FBF1: variants seen among roughly 807,000 people sequenced by gnomAD.
The protein encoded by FBF1 is Fas binding factor 1.
A neutral mutation model predicts 147.2 loss-of-function variants in FBF1; 119 were observed. The ratio of observed to expected loss-of-function variants is 0.81; its 90% confidence interval spans 0.70 to 0.94. FBF1 has a LOEUF of 0.94. Among genes scored for constraint, FBF1 ranks in the 40% least tolerant of loss-of-function variants. The probability of loss-of-function intolerance (pLI) is 0.00; values close to 1 mark genes in which losing one functional copy is unlikely to be tolerated. For synonymous variants in FBF1, 601 were observed against 609.0 expected, an observed-to-expected ratio of 0.99 and a Z score of 0.19; for missense variants, 1,449 against 1,500.8, an observed-to-expected ratio of 0.97 and a Z score of 0.57.
At position 75,933,064 on chromosome 17, in the gene FBF1, T is replaced by C; in HGVS notation, c.98A>G (p.Lys33Arg). The change falls in exon 5 of 30, where the codon AAA (lysine) becomes AGA (arginine). Residue 33 changes from lysine to arginine, a missense_variant. Transcript: ENST00000636174. ...GGTGTCTCTGGTATGTGAAGCTAGT[T>C]TAACAGGCTTCTCAGGTAGTGTCAC... is the stretch of plus-strand genomic sequence containing the variant. ...DDMTLPEKPV[K>R]LASHTRDTTG... 1 of 1,606,412 alleles carries C rather than the reference T, an allele frequency of 6.2e-7. No individual in the cohort carries two copies. The highest frequency in any genetic ancestry group is 8.5e-7 in the Non-Finnish European group (1 of 1,173,830).
At chr17:75,933,753 G>T (rs1054024681) in intron 4 of FBF1, among the ~76,000 whole-genome samples, 3 of 152,094 alleles carry the variant, frequency 2.0e-5, no homozygotes, top group African/African-American at 7.2e-5. Flanking sequence ...AGGGGCAAAG[G>T]ATCTGAACAG....
chr17:75,920,211 ACT>A (rs1598154827), intron 18 of FBF1, 61 bp downstream of exon 18: 6 of 1,590,786 alleles, frequency 3.8e-6, no homozygotes, highest in Non-Finnish European at 4.3e-6. Flanking sequence ...GCTTCCAGCC[ACT>A]CTCAGTGTCC....
chr17:75,937,522 GAT>G (rs1205874951), intron 3 of FBF1, 42 bp downstream of exon 3: 1 of 1,607,788 alleles, frequency 6.2e-7, no homozygotes, highest in Non-Finnish European at 8.5e-7. Flanking sequence ...AGGGGAAAAA[GAT>G]ATATATTTGG....
rs956854575 is a variant in FBF1, at chr17:75,925,883, G to C, written c.868+147C>G. ...TGGTCACGGTAAGTATTATTTCACGGTAAGTATTATTTTGTCTCAGCTATA... is the reference window on the plus strand; with the variant it reads ...TGGTCACGGTAAGTATTATTTCACGCTAAGTATTATTTTGTCTCAGCTATA... On this transcript the variant is annotated intron_variant, in intron 12 of 29. Coordinates refer to ENST00000636174, the MANE Select transcript of FBF1 (RefSeq NM_001319193.2). This position sits in a 1 kb window ranked among gnomAD's most constrained non-coding sequence, Gnocchi z 5.0. 3.4e-6 allele frequency: 4 copies of C among 1,179,148 alleles called. No homozygotes were observed. The African/African-American group carries it at 6.2e-5, about 18-fold the overall frequency. 73.0% of individuals were successfully genotyped at this position (1,179,148 alleles called of 1,614,324 possible). A position where few individuals can be genotyped will look rare whatever the true frequency, so the allele number is the denominator to read the frequency against.
Position 75,910,188 on chromosome 17 carries a change from A to G in FBF1, c.*535T>C, listed in dbSNP as rs1186678487. 2.0e-5 allele frequency: 8 copies of G among 391,390 alleles called. No individual in the cohort carries two copies. The highest frequency in any genetic ancestry group is 1.0e-4 in the African/African-American group (5 of 48,258). 24.2% of individuals were successfully genotyped at this position (391,390 alleles called of 1,614,324 possible). On this transcript the variant is annotated 3_prime_UTR_variant, in exon 30 of 30. Coordinates refer to ENST00000636174, the MANE Select transcript of FBF1 (RefSeq NM_001319193.2). This position sits in a 1 kb window ranked among gnomAD's most constrained non-coding sequence, Gnocchi z 4.1. ...AGGAGGGCCTGGCTGAGTTCCAGGA[A>G]CATCTCACACCACAAGGGAGGATCT...
Position 75,921,950 on chromosome 17 carries a change from G to A in FBF1, c.1521C>T (p.Val507=). The A allele has an allele frequency of 1.3e-6, 2 of 1,550,750 alleles. No homozygotes were observed. Among genetic ancestry groups the A allele is most frequent in the Non-Finnish European group, 1.7e-6 (2 of 1,146,818 alleles). The change falls in exon 15 of 30, where the codon GTC becomes GTT. Residue 507 remains valine, a synonymous_variant. Transcript: ENST00000636174. The part of the protein sequence containing the change: ...ARERPCVRPG[V]SGSPVTQNHA... ...AGCCCGCAGCCCAGGCCTACCCCGAGACACCAGGCCTGACACACGGTCTTT... is the reference window on the plus strand; with the variant it reads ...AGCCCGCAGCCCAGGCCTACCCCGAAACACCAGGCCTGACACACGGTCTTT...
chr17:75,925,589 G>A lies in FBF1; in HGVS notation c.869-143C>T. 2 of 721,580 alleles carry A rather than the reference G, an allele frequency of 2.8e-6. No homozygotes were observed. The highest frequency in any genetic ancestry group is 2.6e-5 in the Admixed American group (1 of 37,994). 44.7% of individuals were successfully genotyped at this position (721,580 alleles called of 1,614,324 possible). A position where few individuals can be genotyped will look rare whatever the true frequency, so the allele number is the denominator to read the frequency against. On this transcript the variant is annotated intron_variant, in intron 12 of 29. Coordinates refer to ENST00000636174, the MANE Select transcript of FBF1 (RefSeq NM_001319193.2). The surrounding 1 kb of genome is among the most constrained non-coding windows in gnomAD (Gnocchi z 5.0). ...AAGCTGCTGTGAAGGGAGCACCTCA[G>A]GCACTGGCCAGGAAGATGCAGTGGC...
In FBF1 at chr17:75,928,209, G is replaced by C; in HGVS notation, c.280-16C>G. ...CGTCCAGGTCCTAGAAAACCAGGGAGGGAGGGCAGAGGACTATGTCTGATA... is the reference window on the plus strand; with the variant it reads ...CGTCCAGGTCCTAGAAAACCAGGGACGGAGGGCAGAGGACTATGTCTGATA... On this transcript the variant is annotated splice_polypyrimidine_tract_variant and intron_variant, in intron 7 of 29. Coordinates refer to ENST00000636174, the MANE Select transcript of FBF1 (RefSeq NM_001319193.2). The surrounding 1 kb of genome is among the most constrained non-coding windows in gnomAD (Gnocchi z 4.2). 1.2e-6 allele frequency: 2 copies of C among 1,609,414 alleles called. No individual in the cohort carries two copies. Among genetic ancestry groups the C allele is most frequent in the Non-Finnish European group, 1.7e-6 (2 of 1,175,904 alleles).
chr17:75,922,822 G>A lies in FBF1; in HGVS notation c.1424+364C>T, dbSNP rs184689545. Reference sequence around the variant, plus strand: ...CTTCAGTGGAGTCGGCAGAAGCACCGGCTGTTTGGATGCCGGGGCTTCCAG... The same window carrying A: ...CTTCAGTGGAGTCGGCAGAAGCACCAGCTGTTTGGATGCCGGGGCTTCCAG... On this transcript the variant is annotated intron_variant, in intron 14 of 29. Coordinates refer to ENST00000636174, the MANE Select transcript of FBF1 (RefSeq NM_001319193.2). This position sits in a 1 kb window ranked among gnomAD's most constrained non-coding sequence, Gnocchi z 5.0. 2.4e-4 allele frequency among the ~76,000 whole-genome samples: 36 copies of A among 152,358 alleles called. No individual in the cohort carries two copies. Among genetic ancestry groups the A allele is most frequent in the African/African-American group, 7.9e-4 (33 of 41,586 alleles).
rs1185136891 is a variant in FBF1 at position 75,918,485 on chromosome 17, C to CT, written c.2139-217dup. On this transcript the variant is annotated intron_variant, in intron 20 of 29. Transcript: ENST00000636174. This position sits in a 1 kb window ranked among gnomAD's most constrained non-coding sequence, Gnocchi z 5.8. ...GCATTCCTCCCATTATTCAGCTTTT[C>CT]TTTTTTTGGAGATGGAGTTTTGCTC... Among the ~76,000 whole-genome samples the CT allele has an allele frequency of 1.3e-5, 2 of 152,092 alleles. No homozygotes were observed. Among genetic ancestry groups the CT allele is most frequent in the African/African-American group, 4.8e-5 (2 of 41,416 alleles).
In FBF1 at chr17:75,923,798, C is replaced by T. The variant is rs890865360; in HGVS notation, c.969-157G>A. On this transcript the variant is annotated intron_variant, in intron 13 of 29. Transcript: ENST00000636174. This position sits in a 1 kb window ranked among gnomAD's most constrained non-coding sequence, Gnocchi z 4.1. ...CTGGACCGGCTCAGGTGGCAGGCCA[C>T]GTGCTGTCTGTAGAACACCACGAAG... Among the ~76,000 whole-genome samples the T allele has an allele frequency of 2.0e-5, 3 of 152,316 alleles. No individual in the cohort carries two copies. Among genetic ancestry groups the T allele is most frequent in the South Asian group, 2.1e-4 (1 of 4,828 alleles).
At chr17:75,932,488 A>T (rs1959518001) in intron 5 of FBF1, among the ~76,000 whole-genome samples, 1 of 152,148 alleles carries the variant, frequency 6.6e-6, no homozygotes. Context: ...CGAGTGACTC[A>T]CACCTGTAAT....
At position 75,927,519 on chromosome 17, in the gene FBF1, G is replaced by A; in HGVS notation, c.411C>T (p.Pro137=). ...NHPKPAGGAI[P]TKKSLPSPSS... The stretch of plus-strand genomic sequence containing the variant: ...TGGGAGACGGAAGTGACTTCTTGGT[G>A]GGAATGGCACCCCCTGCAGGAAGCA... Residue 137 remains proline (P), a synonymous_variant, in exon 9 of 30, where the codon CCC becomes CCT. Transcript: ENST00000636174. 6.2e-7 allele frequency: 1 copy of A among 1,602,742 alleles called. No homozygotes were observed. The highest frequency in any genetic ancestry group is 8.5e-7 in the Non-Finnish European group (1 of 1,174,844).
Position 75,910,267 on chromosome 17 carries a change from T to G in FBF1, c.*456A>C. 8.7e-6 allele frequency: 3 copies of G among 346,676 alleles called. No homozygotes were observed. The highest frequency in any genetic ancestry group is 1.7e-5 in the Non-Finnish European group (3 of 176,926). 21.5% of individuals were successfully genotyped at this position (346,676 alleles called of 1,614,324 possible). On this transcript the variant is annotated 3_prime_UTR_variant, in exon 30 of 30. Transcript: ENST00000636174. This position sits in a 1 kb window ranked among gnomAD's most constrained non-coding sequence, Gnocchi z 4.1. ...GGCCAGAGGGCCCTTCTCCAGCTCA[T>G]CAGGGAGGGAACTGCTCTGGCAGGG...
rs772666420 is a variant in FBF1, at chr17:75,926,368, C to T, written c.654G>A (p.Leu218=). The T allele has an allele frequency of 3.1e-6, 5 of 1,610,108 alleles. No individual in the cohort carries two copies. The highest frequency in any genetic ancestry group is 4.2e-6 in the Non-Finnish European group (5 of 1,178,332). Residue 218 remains leucine, a synonymous_variant, in exon 11 of 30, where the codon TTG becomes TTA. Transcript: ENST00000636174. ...CCATGATGTCATCCCCATCATCAAA[C>T]AACAATTCTTCTTTTTTTCGGATGG... ...DTPIRKKEEL[L]FDDGDDIMAT... is the part of the protein sequence containing the mutation.
intron 2 of FBF1, chr17:75,937,888 C>T (rs543521801): frequency 3.2e-6 from 2 of 628,934 alleles, no homozygotes; most frequent in Admixed American, 5.6e-5. Context: ...CCGGAAATGT[C>T]TTCTATTCCG....
chr17:75,917,903 C>T (rs776819081), intron 22 of FBF1, 28 bp downstream of exon 22: 34 of 1,587,618 alleles, frequency 2.1e-5, no homozygotes, highest in Non-Finnish European at 2.7e-5. Flanking sequence ...CCACCAGGAG[C>T]CGGGGTGGCT....
chr17:75,918,359 C>A lies in FBF1; in HGVS notation c.2139-90G>T. The A allele has an allele frequency of 9.0e-7, 1 of 1,105,358 alleles. No homozygotes were observed. The highest frequency in any genetic ancestry group is 1.3e-6 in the Non-Finnish European group (1 of 770,004). 68.5% of individuals were successfully genotyped at this position (1,105,358 alleles called of 1,614,324 possible). ...TGTGGAAGGGTGTGTTTCCGTGCAGCCCTTGCTCCCAGGCCTCTCCTCCGC... is the reference window on the plus strand; with the variant it reads ...TGTGGAAGGGTGTGTTTCCGTGCAGACCTTGCTCCCAGGCCTCTCCTCCGC... On this transcript the variant is annotated intron_variant, in intron 20 of 29. Transcript: ENST00000636174. The surrounding 1 kb of genome is among the most constrained non-coding windows in gnomAD (Gnocchi z 5.8).
chr17:75,923,035 G>A lies in FBF1; in HGVS notation c.1424+151C>T, dbSNP rs982666832. On this transcript the variant is annotated intron_variant, in intron 14 of 29. Transcript: ENST00000636174. This position sits in a 1 kb window ranked among gnomAD's most constrained non-coding sequence, Gnocchi z 4.1. ...CTCTCTGCAGTGCCTAAAAGGCAGAGTAGCAAAGCCAAGAAGCGGCCTCTG... is the reference window on the plus strand; with the variant it reads ...CTCTCTGCAGTGCCTAAAAGGCAGAATAGCAAAGCCAAGAAGCGGCCTCTG... 2 of 768,584 alleles carry A rather than the reference G, an allele frequency of 2.6e-6. No homozygotes were observed. The highest frequency in any genetic ancestry group is 2.7e-5 in the East Asian group (1 of 36,992). 47.6% of individuals were successfully genotyped at this position (768,584 alleles called of 1,614,324 possible).
Sources: allele counts gnomAD v4.1 joint callset (sites outside exome capture counted in the v4.1 genomes callset), GRCh38; gene constraint gnomAD v4.1.1; non-coding constraint Gnocchi (gnomAD v3.1); transcripts MANE v1.5; gene names NCBI Gene and HGNC (gene_info 2026-07-23, HGNC 2026-07-21).